The following QTMAN variants were observed in gnomAD, a reference collection of about 807,000 sequenced individuals.
QTMAN encodes the protein queuosine-tRNA mannosyltransferase.
the QTMAN span, among the ~76,000 whole-genome samples, chr2:143,994,715 A>G: frequency 6.6e-6 from 1 of 152,328 alleles, no homozygotes; most frequent in South Asian, 2.1e-4. Context: ...CAAGTAGATT[A>G]GTGGTTTCCT....
the QTMAN span, among the ~76,000 whole-genome samples, chr2:144,225,049 T>G: frequency 6.6e-6 from 1 of 152,168 alleles, no homozygotes; most frequent in Non-Finnish European, 1.5e-5. Flanking sequence ...ACTATTCAAA[T>G]TCTCCTTTTG....
the QTMAN span, among the ~76,000 whole-genome samples, chr2:144,037,562 AAAAC>A: frequency 6.6e-6 from 1 of 152,214 alleles, no homozygotes; most frequent in Non-Finnish European, 1.5e-5. Flanking sequence ...GCAGGGACAG[AAAAC>A]AAACAAATAA....
At chr2:144,290,695 G>T in the QTMAN span, among the ~76,000 whole-genome samples, 1 of 152,222 alleles carries the variant, frequency 6.6e-6, no homozygotes, top group South Asian at 2.1e-4. Context: ...ATACATCAGA[G>T]GCACATGCCT....
the QTMAN span, chr2:144,007,491 C>T: frequency 6.2e-7 from 1 of 1,606,374 alleles, no homozygotes; most frequent in African/African-American, 1.3e-5. Context: ...TCCTTTAAGG[C>T]CGAGCATCTT....
chr2:144,332,802 G>C, the QTMAN span, among the ~76,000 whole-genome samples: 1 of 152,138 alleles, frequency 6.6e-6, no homozygotes, highest in East Asian at 1.9e-4. Flanking sequence ...CATCTCGTCA[G>C]CACCCTGTCC....
the QTMAN span, among the ~76,000 whole-genome samples, chr2:144,318,271 TG>T: frequency 2.0e-5 from 3 of 150,548 alleles, no homozygotes; most frequent in South Asian, 6.3e-4. Flanking sequence ...TATTTGAAAA[TG>T]GCAAAGCTTT....
chr2:143,981,203 AC>A, the QTMAN span, among the ~76,000 whole-genome samples: 1 of 152,186 alleles, frequency 6.6e-6, no homozygotes, highest in South Asian at 2.1e-4. Context: ...CATCAGAGAA[AC>A]CCTCTGACTC....
At chr2:144,070,878 T>C in the QTMAN span, among the ~76,000 whole-genome samples, 3 of 152,166 alleles carry the variant, frequency 2.0e-5, no homozygotes, top group Admixed American at 1.3e-4. Context: ...TGTAGGAATA[T>C]GTCACAAAAC....
the QTMAN span, among the ~76,000 whole-genome samples, chr2:144,326,384 G>A: frequency 6.6e-6 from 1 of 151,932 alleles, no homozygotes; most frequent in African/African-American, 2.4e-5. Context: ...TCAGTAGATT[G>A]AGACCATCCT....
the QTMAN span, among the ~76,000 whole-genome samples, chr2:143,951,587 T>C: frequency 1.3e-5 from 2 of 151,602 alleles, no homozygotes; most frequent in African/African-American, 4.8e-5. Flanking sequence ...ACCTGAATTT[T>C]TGAGGACTAA....
At chr2:144,090,452 C>A in the QTMAN span, among the ~76,000 whole-genome samples, 1 of 151,916 alleles carries the variant, frequency 6.6e-6, no homozygotes, top group Admixed American at 6.6e-5. Flanking sequence ...ACATTATTAA[C>A]TATGTAGAAA....
chr2:144,034,163 C>A, the QTMAN span, among the ~76,000 whole-genome samples: 2 of 152,134 alleles, frequency 1.3e-5, no homozygotes, highest in East Asian at 3.8e-4. Flanking sequence ...GAGCCATTCC[C>A]CTGAATGACC....
At chr2:143,954,504 A>C in the QTMAN span, among the ~76,000 whole-genome samples, 1 of 152,110 alleles carries the variant, frequency 6.6e-6, no homozygotes, top group Non-Finnish European at 1.5e-5. Context: ...TAATTAAAAT[A>C]CAGTAAGATA....
At chr2:144,271,550 T>C in the QTMAN span, among the ~76,000 whole-genome samples, 2 of 152,184 alleles carry the variant, frequency 1.3e-5, no homozygotes, top group African/African-American at 4.8e-5. Flanking sequence ...CTTTCCTACA[T>C]AAAGACTGAG....
At chr2:144,174,248 C>T in the QTMAN span, among the ~76,000 whole-genome samples, 1 of 152,086 alleles carries the variant, frequency 6.6e-6, no homozygotes, top group South Asian at 2.1e-4. Context: ...AGATGCTTAC[C>T]TCCATCTCCG....
the QTMAN span, among the ~76,000 whole-genome samples, chr2:143,953,243 CA>C: frequency 1.1e-4 from 17 of 151,712 alleles, no homozygotes; most frequent in East Asian, 3.3e-3. Context: ...AATAAAATAG[CA>C]AATACTTAAC....
the QTMAN span, among the ~76,000 whole-genome samples, chr2:144,089,934 A>G: frequency 6.6e-6 from 1 of 152,070 alleles, no homozygotes; most frequent in Non-Finnish European, 1.5e-5. Flanking sequence ...TGACTTGATC[A>G]CTACGCAGTA....
At chr2:144,173,198 T>C in the QTMAN span, among the ~76,000 whole-genome samples, 1 of 152,126 alleles carries the variant, frequency 6.6e-6, no homozygotes, top group Non-Finnish European at 1.5e-5. Flanking sequence ...ACTCTCCTCA[T>C]CTCTGGTGTA....
chr2:144,328,981 G>A, the QTMAN span, among the ~76,000 whole-genome samples: 1 of 151,974 alleles, frequency 6.6e-6, no homozygotes, highest in African/African-American at 2.4e-5. Context: ...TAACCAGGCA[G>A]GGCACAGAGG....
Sources: gnomAD v4.1 joint callset for allele counts (sites outside exome capture counted in the v4.1 genomes callset) on GRCh38, gnomAD v4.1.1 for gene constraint, MANE v1.5 for transcripts, NCBI Gene and HGNC (gene_info 2026-07-23, HGNC 2026-07-21) for gene names.